Variants in TMEM163 observed in about 807,000 individuals in gnomAD.
The protein encoded by TMEM163 is transmembrane protein 163.
A neutral mutation model predicts 29.3 loss-of-function variants in TMEM163; 17 were observed. The ratio of observed to expected loss-of-function variants is 0.58; its 90% CI spans 0.40 to 0.87. TMEM163 has a LOEUF of 0.87. Ranked by LOEUF, TMEM163 falls within the 40% of genes least tolerant of loss-of-function variation. TMEM163 has a pLI of 0.00. For missense variants in TMEM163, 303 were observed against 381.5 expected, an observed-to-expected ratio of 0.79 and a Z score of 1.71; for synonymous variants, 157 against 160.6, an observed-to-expected ratio of 0.98 and a Z score of 0.17.
At chr2:134,580,051 G>GA (rs1294079337) in intron 2 of TMEM163, among the ~76,000 whole-genome samples, 1 of 152,098 alleles carries the variant, frequency 6.6e-6, no homozygotes. Context: ...TGAGACTTAA[G>GA]AAAAAAATCT....
chr2:134,555,593 C>T (rs1051185305), intron 2 of TMEM163, among the ~76,000 whole-genome samples: 3 of 152,256 alleles, frequency 2.0e-5, no homozygotes, highest in African/African-American at 4.8e-5. Context: ...GGGCGGAGCT[C>T]TCCTATGAAG....
intron 2 of TMEM163, among the ~76,000 whole-genome samples, chr2:134,648,760 T>C (rs1386208287): frequency 6.6e-6 from 1 of 152,192 alleles, no homozygotes; most frequent in Non-Finnish European, 1.5e-5. Flanking sequence ...CTGAAATGGG[T>C]AGTATGATTC....
intron 2 of TMEM163, among the ~76,000 whole-genome samples, chr2:134,600,543 A>G (rs893275933): frequency 6.6e-6 from 1 of 152,200 alleles, no homozygotes; most frequent in Non-Finnish European, 1.5e-5. Flanking sequence ...TATTAATGCT[A>G]TAGTTCGAAT....
intron 5 of TMEM163, among the ~76,000 whole-genome samples, chr2:134,498,524 G>A (rs1409428398): frequency 6.6e-6 from 1 of 152,000 alleles, no homozygotes. Context: ...TAGAGACGGG[G>A]TTTCACCATG....
chr2:134,690,273 C>G (rs1240241734), intron 2 of TMEM163, among the ~76,000 whole-genome samples: 1 of 150,606 alleles, frequency 6.6e-6, no homozygotes, highest in Non-Finnish European at 1.5e-5. Flanking sequence ...AGTTATCAAA[C>G]TTTACCTACA....
At chr2:134,610,086 C>G (rs35215000) in intron 2 of TMEM163, among the ~76,000 whole-genome samples, 2 of 152,010 alleles carry the variant, frequency 1.3e-5, no homozygotes, top group South Asian at 2.1e-4. Context: ...AAACAGGCCA[C>G]AGGGCCAATC....
intron 2 of TMEM163, among the ~76,000 whole-genome samples, chr2:134,599,135 T>C (rs774818310): frequency 2.0e-5 from 3 of 151,808 alleles, no homozygotes; most frequent in Non-Finnish European, 4.4e-5. Context: ...TGCAAGTATG[T>C]AGGTGTTGAC....
chr2:134,594,772 A>G (rs1682024453), intron 2 of TMEM163, among the ~76,000 whole-genome samples: 1 of 152,066 alleles, frequency 6.6e-6, no homozygotes, highest in African/African-American at 2.4e-5. Context: ...TTGGTGCCCA[A>G]TTCTCTGAAT....
intron 2 of TMEM163, among the ~76,000 whole-genome samples, chr2:134,687,526 A>G (rs990717858): frequency 8.5e-5 from 13 of 152,238 alleles, no homozygotes; most frequent in African/African-American, 3.1e-4. Flanking sequence ...AAAATGCTGA[A>G]CATCAGAGGC....
At chr2:134,569,878 A>G (rs956242397) in intron 2 of TMEM163, among the ~76,000 whole-genome samples, 2 of 152,238 alleles carry the variant, frequency 1.3e-5, no homozygotes, top group Non-Finnish European at 2.9e-5. Flanking sequence ...GAGTAGTGTG[A>G]TAAAATCTCA....
chr2:134,611,938 G>A (rs968546556), intron 2 of TMEM163, among the ~76,000 whole-genome samples: 11 of 152,322 alleles, frequency 7.2e-5, no homozygotes, highest in African/African-American at 2.2e-4. Flanking sequence ...AGGAGTTTGC[G>A]TGAAAACACT....
chr2:134,666,605 A>G (rs939202253), intron 2 of TMEM163, among the ~76,000 whole-genome samples: 9 of 152,182 alleles, frequency 5.9e-5, no homozygotes, highest in African/African-American at 1.9e-4. Context: ...TCTGGAACTG[A>G]GTAGGGGAAG....
intron 2 of TMEM163, among the ~76,000 whole-genome samples, chr2:134,689,786 A>C (rs1190196766): frequency 6.6e-6 from 1 of 152,242 alleles, no homozygotes; most frequent in African/African-American, 2.4e-5. Flanking sequence ...CAAATGTACC[A>C]CAAAGTTACA....
At chr2:134,475,803 T>A (rs2106477766) in intron 5 of TMEM163, among the ~76,000 whole-genome samples, 1 of 152,130 alleles carries the variant, frequency 6.6e-6, no homozygotes, top group Non-Finnish European at 1.5e-5. Context: ...CTCATTAGAA[T>A]CACCAAAATT....
At chr2:134,555,197 C>T (rs1397476114) in intron 2 of TMEM163, among the ~76,000 whole-genome samples, 2 of 152,292 alleles carry the variant, frequency 1.3e-5, no homozygotes, top group Admixed American at 6.5e-5. Flanking sequence ...CATAACTCAC[C>T]ATGACACATC....
chr2:134,641,543 G>T (rs916198351), intron 2 of TMEM163, among the ~76,000 whole-genome samples: 1 of 152,092 alleles, frequency 6.6e-6, no homozygotes, highest in Admixed American at 6.5e-5. Flanking sequence ...ACAGATGGAA[G>T]GAGAAAATAT....
At chr2:134,480,384 T>C (rs993427644) in intron 5 of TMEM163, among the ~76,000 whole-genome samples, 1 of 128,598 alleles carries the variant, frequency 7.8e-6, no homozygotes, top group Non-Finnish European at 1.6e-5. Flanking sequence ...GGTCCCTGAC[T>C]GCAATCACTC....
intron 2 of TMEM163, among the ~76,000 whole-genome samples, chr2:134,586,534 C>A (rs530329613): frequency 2.6e-5 from 4 of 152,352 alleles, no homozygotes; most frequent in Non-Finnish European, 5.9e-5. Flanking sequence ...TAGGTCCCAC[C>A]ATACTCCAGC....
intron 2 of TMEM163, among the ~76,000 whole-genome samples, chr2:134,575,597 G>T (rs140303495): frequency 1.3e-5 from 2 of 152,090 alleles, no homozygotes; most frequent in Non-Finnish European, 2.9e-5. Context: ...TGTGTCACTC[G>T]CCACACGGAG....
Sources: gnomAD v4.1 joint callset for allele counts (sites outside exome capture counted in the v4.1 genomes callset) on GRCh38, gnomAD v4.1.1 for gene constraint, MANE v1.5 for transcripts, NCBI Gene and HGNC (gene_info 2026-07-23, HGNC 2026-07-21) for gene names.